Variants in CCDC102B observed in about 807,000 individuals in gnomAD.
CCDC102B encodes the protein coiled-coil domain-containing protein 102B.
A neutral mutation model predicts 57.4 loss-of-function variants in CCDC102B; 75 were observed. The ratio of observed to expected loss-of-function variants is 1.31; its 90% CI spans 1.08 to 1.58. CCDC102B has a LOEUF of 1.58. Ranked by LOEUF, CCDC102B falls within the 40% of genes most tolerant of loss-of-function variation. The probability of loss-of-function intolerance (pLI) is 0.00; values close to 1 mark genes in which losing one functional copy is unlikely to be tolerated. For missense variants in CCDC102B, 636 were observed against 582.6 expected (o/e 1.09, Z -0.94); for synonymous variants, 206 against 201.9 (o/e 1.02, Z -0.17).
chr18:68,942,596 A>G (rs1180565513), intron 6 of CCDC102B, among the ~76,000 whole-genome samples: 2 of 152,026 alleles, frequency 1.3e-5, no homozygotes, highest in Admixed American at 1.3e-4. Flanking sequence ...AGGTGCATAT[A>G]CATAAACATC....
chr18:68,822,064 C>T (rs1469281404), intron 1 of CCDC102B, among the ~76,000 whole-genome samples: 1 of 152,086 alleles, frequency 6.6e-6, no homozygotes, highest in African/African-American at 2.4e-5. Flanking sequence ...ATGAAAACTA[C>T]TGTAGTTTTC....
chr18:68,882,535 G>T (rs1285812262), intron 5 of CCDC102B, among the ~76,000 whole-genome samples: 3 of 152,146 alleles, frequency 2.0e-5, no homozygotes, highest in Non-Finnish European at 4.4e-5. Flanking sequence ...GATAGAAATT[G>T]GATTAAGTTA....
At chr18:68,871,426 T>C (rs564263983) in intron 4 of CCDC102B, among the ~76,000 whole-genome samples, 1 of 152,266 alleles carries the variant, frequency 6.6e-6, no homozygotes, top group Non-Finnish European at 1.5e-5. Context: ...TAGATTTTCT[T>C]TACAAATCCA....
At chr18:68,723,634 C>T (rs1856332116) in intron 2 of CCDC102B, among the ~76,000 whole-genome samples, 1 of 152,192 alleles carries the variant, frequency 6.6e-6, no homozygotes, top group Non-Finnish European at 1.5e-5. Flanking sequence ...AAATGATCTC[C>T]TTTGACTCCA....
intron 7 of CCDC102B, among the ~76,000 whole-genome samples, chr18:69,013,684 A>G (rs1568125545): frequency 6.6e-6 from 1 of 152,204 alleles, no homozygotes; most frequent in Non-Finnish European, 1.5e-5. Flanking sequence ...AGGTGAAAAC[A>G]TATGAACTAA....
At chr18:68,855,221 T>C (rs12961873) in intron 4 of CCDC102B, among the ~76,000 whole-genome samples, 99,530 of 152,020 alleles carry the variant, frequency 0.65, 33,537 homozygotes, top group Non-Finnish European at 0.73. Flanking sequence ...CTTTGAACCA[T>C]ATGCTCAATG....
chr18:68,992,672 T>C (rs184970269), intron 6 of CCDC102B: 84 of 152,864 alleles, frequency 5.5e-4, no homozygotes, highest in Non-Finnish European at 8.6e-4. Context: ...TTGGCACTAG[T>C]TGGAATGGAA....
chr18:68,835,475 A>G (rs1363047544), intron 1 of CCDC102B, among the ~76,000 whole-genome samples: 3 of 152,154 alleles, frequency 2.0e-5, no homozygotes, highest in Non-Finnish European at 2.9e-5. Context: ...TCTCTCACCC[A>G]CCAGACTGTA....
chr18:68,778,896 A>G (rs1226243964), intron 2 of CCDC102B, among the ~76,000 whole-genome samples: 6 of 151,366 alleles, frequency 4.0e-5, no homozygotes, highest in Middle Eastern at 3.4e-3. Context: ...AAAAAAAAAA[A>G]CTGTGAAAAC....
intron 5 of CCDC102B, among the ~76,000 whole-genome samples, chr18:68,887,501 G>A (rs752483020): frequency 2.6e-5 from 4 of 152,198 alleles, no homozygotes; most frequent in African/African-American, 4.8e-5. Flanking sequence ...GAGCTGAAGA[G>A]TCTTATGTAA....
At chr18:68,853,544 G>A (rs528393850) in intron 4 of CCDC102B, among the ~76,000 whole-genome samples, 2 of 151,432 alleles carry the variant, frequency 1.3e-5, no homozygotes, top group South Asian at 2.1e-4. Context: ...CTTTTATTAT[G>A]TTTTCTAGAT....
chr18:68,998,296 T>G (rs1211638954), intron 6 of CCDC102B, among the ~76,000 whole-genome samples: 2 of 142,464 alleles, frequency 1.4e-5, no homozygotes, highest in Non-Finnish European at 3.0e-5. Context: ...TATAGACACA[T>G]ATATACACAC....
intron 1 of CCDC102B, among the ~76,000 whole-genome samples, chr18:68,802,892 T>G (rs1370965815): frequency 2.0e-5 from 3 of 152,208 alleles, no homozygotes; most frequent in African/African-American, 7.2e-5. Flanking sequence ...ATGGCTTTGT[T>G]CTCCCAAATA....
chr18:68,958,802 A>G (rs2049973147), intron 6 of CCDC102B, among the ~76,000 whole-genome samples: 1 of 151,954 alleles, frequency 6.6e-6, no homozygotes, highest in African/African-American at 2.4e-5. Context: ...TCCATTCTTC[A>G]GTATGTCAAT....
At chr18:68,788,577 T>C (rs1372661322) in intron 2 of CCDC102B, among the ~76,000 whole-genome samples, 2 of 150,606 alleles carry the variant, frequency 1.3e-5, no homozygotes, top group South Asian at 2.1e-4. Context: ...CCTTTACCAT[T>C]ATGTAATGGC....
chr18:69,023,697 A>G lies in CCDC102B; in HGVS notation c.1434+12593A>G, dbSNP rs115720508. 6.6e-3 allele frequency among the ~76,000 whole-genome samples: 998 copies of G among 152,094 alleles called. 5 individuals are homozygous for G. The highest frequency in any genetic ancestry group is 0.022 in the African/African-American group (926 of 41,528). ...TTACAGCTGGGAGAGAAAGAGCTCT[A>G]CCATACCAATGCCACTGTTGCAATA... On this transcript the variant is annotated intron_variant, in intron 7 of 7. Transcript: ENST00000360242.
intron 6 of CCDC102B, among the ~76,000 whole-genome samples, chr18:68,949,701 A>G (rs1049477713): frequency 6.6e-6 from 1 of 152,036 alleles, no homozygotes; most frequent in African/African-American, 2.4e-5. Context: ...TCTACTAAGA[A>G]ATCTTTTCTC....
chr18:68,781,751 G>C (rs573985352), intron 2 of CCDC102B, among the ~76,000 whole-genome samples: 1 of 152,044 alleles, frequency 6.6e-6, no homozygotes, highest in African/African-American at 2.4e-5. Context: ...CTTGTATAAT[G>C]ATTTGTGGAA....
chr18:68,908,277 G>C (rs2040715466), intron 6 of CCDC102B: 1 of 152,186 alleles, frequency 6.6e-6, no homozygotes. Flanking sequence ...CTTGGGGTCA[G>C]GGTAATGCTA....
Sources: allele counts gnomAD v4.1 joint callset (sites outside exome capture counted in the v4.1 genomes callset), GRCh38; gene constraint gnomAD v4.1.1; transcripts MANE v1.5; gene names NCBI Gene and HGNC (gene_info 2026-07-23, HGNC 2026-07-21).